The following AEN variants were observed in gnomAD, a reference collection of about 807,000 sequenced individuals.
AEN encodes the protein apoptosis enhancing nuclease, also known as apoptosis-enhancing nuclease.
In AEN, 21 loss-of-function variants were observed where a neutral mutation model predicts 17.7. The ratio of observed to expected loss-of-function variants is 1.19; its 90% confidence interval spans 0.84 to 1.71. The LOEUF (loss-of-function observed/expected upper bound fraction) is 1.71. Ranked by LOEUF, AEN falls within the 40% of genes most tolerant of loss-of-function variation. The pLI, the probability that AEN is intolerant of heterozygous loss-of-function variation, is 0.00. For synonymous variants in AEN, 190 were observed against 173.0 expected (o/e 1.10, Z -0.77); for missense variants, 462 against 435.9 (o/e 1.06, Z -0.53).
chr15:88,606,966 G>A, the AEN span, among the ~76,000 whole-genome samples: 5 of 151,092 alleles, frequency 3.3e-5, no homozygotes, highest in African/African-American at 7.3e-5. Flanking sequence ...CTTAAAATGA[G>A]AAAAAAAAAT....
chr15:88,613,109 G>A, the AEN span, among the ~76,000 whole-genome samples: 1 of 152,160 alleles, frequency 6.6e-6, no homozygotes, highest in Admixed American at 6.5e-5. Flanking sequence ...GGGGGTTGGG[G>A]ATCGTACTCA....
chr15:88,619,473 A>G (rs941115773), upstream of AEN, among the ~76,000 whole-genome samples: 1 of 152,168 alleles, frequency 6.6e-6, no homozygotes, highest in Non-Finnish European at 1.5e-5. Context: ...GTGGATCACG[A>G]GGTCGGGAGT....
At position 88,630,233 on chromosome 15, in the gene AEN, C is replaced by T; in HGVS notation, c.917C>T (p.Pro306Leu). 2 of 1,604,302 alleles carry T rather than the reference C, an allele frequency of 1.2e-6. No homozygotes were observed. The highest frequency in any genetic ancestry group is 1.7e-6 in the Non-Finnish European group (2 of 1,175,858). ...CAGTACATGGAGGACCAGTACTGGC[C>T]CGATGACCTGGCCCACGGCAGCAGA... The part of the protein sequence containing the change: ...MEQYMEDQYW[P>L]DDLAHGSRGG... Residue 306 changes from proline (P) to leucine (L), a missense_variant, in exon 4 of 4, where the codon CCC becomes CTC. Transcript: ENST00000332810. This position sits in a 1 kb window ranked among gnomAD's most constrained non-coding sequence, Gnocchi z 5.1.
In AEN at chr15:88,621,372, CGG is replaced by C. The variant is rs1419928668; in HGVS notation, c.-72_-71del. On this transcript the variant is annotated 5_prime_UTR_variant, in exon 1 of 4. Coordinates refer to ENST00000332810, the MANE Select transcript of AEN (RefSeq NM_022767.4). ...CCACGTGCAGACCGGAAGAGACACG[CGG>C]GGCTTCAGGTGAGATCCAGGACCCT... 1 of 152,252 alleles carries C rather than the reference CGG, an allele frequency of 6.6e-6. No homozygotes were observed. Among genetic ancestry groups the C allele is most frequent in the East Asian group, 1.9e-4 (1 of 5,196 alleles). The allele number at this position is 152,252 out of a possible 1,614,324, so 9.4% of individuals were successfully genotyped here. A position where few individuals can be genotyped will look rare whatever the true frequency, so the allele number is the denominator to read the frequency against.
At chr15:88,605,320 A>G in the AEN span, among the ~76,000 whole-genome samples, 21 of 152,252 alleles carry the variant, frequency 1.4e-4, no homozygotes, top group Non-Finnish European at 2.4e-4. The surrounding 1 kb of genome is among the most constrained non-coding windows in gnomAD (Gnocchi z 7.6). Context: ...CGGCTCTCGC[A>G]ACCCAGCCGC....
the AEN span, chr15:88,611,908 G>C: frequency 1.9e-6 from 1 of 515,308 alleles, no homozygotes; most frequent in Non-Finnish European, 4.0e-6. Flanking sequence ...ACAAATCCCA[G>C]TCTACCTAAT....
chr15:88,611,561 A>G, the AEN span, among the ~76,000 whole-genome samples: 884 of 152,208 alleles, frequency 5.8e-3, 1 homozygote, highest in Non-Finnish European at 9.3e-3. Context: ...GCACCACTGC[A>G]CTACAGCCTG....
chr15:88,605,204 C>G, the AEN span: 4 of 152,352 alleles, frequency 2.6e-5, no homozygotes, highest in African/African-American at 9.6e-5. The surrounding 1 kb of genome is among the most constrained non-coding windows in gnomAD (Gnocchi z 7.6). Flanking sequence ...GTGGGGGCGT[C>G]TGGTTCCAGT....
chr15:88,619,803 C>T (rs565635845), upstream of AEN, among the ~76,000 whole-genome samples: 5 of 152,260 alleles, frequency 3.3e-5, no homozygotes, highest in South Asian at 2.1e-4. Flanking sequence ...CTCTGATCAA[C>T]GCTGCCTCCT....
At chr15:88,614,706 G>T in the AEN span, among the ~76,000 whole-genome samples, 1 of 152,094 alleles carries the variant, frequency 6.6e-6, no homozygotes, top group Non-Finnish European at 1.5e-5. Context: ...AGCGTCCTCT[G>T]CTGGAAGCTT....
the AEN span, among the ~76,000 whole-genome samples, chr15:88,614,643 A>T: frequency 6.6e-6 from 1 of 152,122 alleles, no homozygotes; most frequent in African/African-American, 2.4e-5. Context: ...CACCCATCGC[A>T]ACTGCAGCTG....
chr15:88,624,516 C>T (rs970204797), intron 1 of AEN, among the ~76,000 whole-genome samples: 1 of 152,210 alleles, frequency 6.6e-6, no homozygotes, highest in African/African-American at 2.4e-5. Context: ...GTTTCCTCTT[C>T]ACACAGTAGA....
the AEN span, among the ~76,000 whole-genome samples, chr15:88,614,131 CAG>C: frequency 1.8e-4 from 28 of 152,204 alleles, no homozygotes; most frequent in Non-Finnish European, 8.8e-5. Context: ...ATGCTGAAAT[CAG>C]GGCCTGCAGA....
rs1414728114 is a variant in AEN at position 88,630,327 on chromosome 15, G to A, written c.*33G>A. The A allele has an allele frequency of 1.3e-6, 2 of 1,547,038 alleles. No individual in the cohort carries two copies. The highest frequency in any genetic ancestry group is 2.4e-5 in the East Asian group (1 of 41,194). ...GCGGGGCTCCCTGGCTGGGCTTCCG[G>A]TGTGGCCGGTAGGAAGTGGGGGCCA... On this transcript the variant is annotated 3_prime_UTR_variant, in exon 4 of 4. Coordinates refer to ENST00000332810, the MANE Select transcript of AEN (RefSeq NM_022767.4). This position sits in a 1 kb window ranked among gnomAD's most constrained non-coding sequence, Gnocchi z 5.1.
At position 88,630,326 on chromosome 15, in the gene AEN, G is replaced by C. The variant is rs1159649907; in HGVS notation, c.*32G>C. On this transcript the variant is annotated 3_prime_UTR_variant, in exon 4 of 4. Transcript: ENST00000332810. The surrounding 1 kb of genome is among the most constrained non-coding windows in gnomAD (Gnocchi z 5.1). Reference sequence around the variant, plus strand: ...GGCGGGGCTCCCTGGCTGGGCTTCCGGTGTGGCCGGTAGGAAGTGGGGGCC... The same window carrying C: ...GGCGGGGCTCCCTGGCTGGGCTTCCCGTGTGGCCGGTAGGAAGTGGGGGCC... 2.6e-6 allele frequency: 4 copies of C among 1,546,676 alleles called. No individual in the cohort carries two copies. The highest frequency in any genetic ancestry group is 3.5e-6 in the Non-Finnish European group (4 of 1,142,548).
chr15:88,620,501 G>A (rs890163876), upstream of AEN, among the ~76,000 whole-genome samples: 2 of 151,674 alleles, frequency 1.3e-5, no homozygotes, highest in Non-Finnish European at 2.9e-5. Context: ...TGCAACCTCC[G>A]CCTTCTGGGC....
intron 1 of AEN, among the ~76,000 whole-genome samples, chr15:88,622,721 A>G (rs2057803432): frequency 1.3e-5 from 2 of 152,204 alleles, no homozygotes; most frequent in Admixed American, 1.3e-4. Flanking sequence ...AATTTTAACT[A>G]TCAGGCTAAG....
intron 3 of AEN, 121 bp from the exon 4 acceptor site, chr15:88,629,937 C>A: frequency 2.3e-6 from 2 of 878,948 alleles, no homozygotes; most frequent in East Asian, 2.4e-5. Flanking sequence ...TGTGAACCTC[C>A]ATTCTGAGCA....
the AEN span, chr15:88,608,174 C>T: frequency 1.9e-6 from 1 of 530,912 alleles, no homozygotes; most frequent in Non-Finnish European, 3.9e-6. Context: ...TAAGAGGATG[C>T]CATTTATCCT....
Sources: allele counts gnomAD v4.1 joint callset (sites outside exome capture counted in the v4.1 genomes callset), GRCh38; gene constraint gnomAD v4.1.1; non-coding constraint Gnocchi (gnomAD v3.1); transcripts MANE v1.5; gene names NCBI Gene and HGNC (gene_info 2026-07-23, HGNC 2026-07-21).